Variants in RNF216 observed in about 807,000 individuals in gnomAD.
The protein encoded by RNF216 is E3 ubiquitin-protein ligase RNF216.
RNF216 carries 72 observed loss-of-function variants against 110.8 expected under a neutral mutation model. That is an observed-to-expected ratio of 0.65 (90% CI 0.54 to 0.79). The LOEUF (loss-of-function observed/expected upper bound fraction) is 0.79. Ranked by LOEUF, RNF216 falls within the 30% of genes least tolerant of loss-of-function variation. The pLI is 0.00. For missense variants in RNF216, 1,342 were observed against 1,141.2 expected (o/e 1.18, Z -2.54); for synonymous variants, 495 against 407.5 (o/e 1.21, Z -2.59).
chr7:5,677,102 T>A (rs1316093668), intron 13 of RNF216, among the ~76,000 whole-genome samples: 2 of 152,258 alleles, frequency 1.3e-5, no homozygotes, highest in Non-Finnish European at 2.9e-5. Flanking sequence ...TTTAGGGCAC[T>A]CTGACGTATG....
chr7:5,642,306 C>T (rs1471848954), intron 14 of RNF216, among the ~76,000 whole-genome samples: 1 of 151,656 alleles, frequency 6.6e-6, no homozygotes, highest in African/African-American at 2.4e-5. Flanking sequence ...TCCGCCTCCC[C>T]GGGTTCAAGA....
intron 3 of RNF216, among the ~76,000 whole-genome samples, chr7:5,749,332 G>A (rs764196801): frequency 6.6e-6 from 1 of 151,982 alleles, no homozygotes; most frequent in Non-Finnish European, 1.5e-5. Flanking sequence ...TGTATTTTTA[G>A]TAGAGACGAG....
chr7:5,707,262 C>T (rs1792354118), intron 13 of RNF216, among the ~76,000 whole-genome samples: 1 of 152,156 alleles, frequency 6.6e-6, no homozygotes, highest in South Asian at 2.1e-4. Context: ...GTTCCATATG[C>T]ATTTTAGGGA....
At chr7:5,720,474 G>C (rs1009558038) in intron 9 of RNF216, among the ~76,000 whole-genome samples, 2 of 152,184 alleles carry the variant, frequency 1.3e-5, no homozygotes, top group Admixed American at 6.5e-5. Context: ...AAGGCTTCCT[G>C]TCAACGGTAG....
At chr7:5,684,900 T>TG (rs1790880780) in intron 13 of RNF216, among the ~76,000 whole-genome samples, 2 of 72,574 alleles carry the variant, frequency 2.8e-5, no homozygotes, top group South Asian at 8.6e-4. Context: ...GAGTCCTGCA[T>TG]GGGGGGCTGG....
chr7:5,641,294 T>G lies in RNF216; in HGVS notation c.2242A>C (p.Met748Leu). The stretch of plus-strand genomic sequence containing the variant: ...ATCTGGGCACCACAGCGGCAAGACA[T>G]GCGGTTGCAGCCTTCAGATTTGATG... ...GLIKSEGCNRMSCRCGAQMCY... is the reference protein window; with the variant it reads ...GLIKSEGCNRLSCRCGAQMCY... The change falls in exon 15 of 17, where the codon ATG becomes CTG. Residue 748 changes from methionine to leucine, a missense_variant. Met to Leu is a conservative substitution (Grantham distance 15). Transcript: ENST00000389902. The G allele has an allele frequency of 3.2e-5, 51 of 1,614,170 alleles. No individual in the cohort carries two copies. Among genetic ancestry groups the G allele is most frequent in the Non-Finnish European group, 4.3e-5 (51 of 1,180,038 alleles).
intron 13 of RNF216, among the ~76,000 whole-genome samples, chr7:5,703,269 G>C (rs1193177123): frequency 2.0e-5 from 3 of 152,220 alleles, no homozygotes; most frequent in African/African-American, 7.2e-5. Flanking sequence ...CCTGATAGTA[G>C]GAACAAGTGG....
chr7:5,668,545 C>T (rs575304885), intron 13 of RNF216, among the ~76,000 whole-genome samples: 23 of 152,162 alleles, frequency 1.5e-4, no homozygotes, highest in Non-Finnish European at 2.2e-4. Context: ...TTTAATCTTT[C>T]CCTCCTTGCT....
At chr7:5,661,498 C>T (rs893872637) in intron 13 of RNF216, among the ~76,000 whole-genome samples, 1 of 152,130 alleles carries the variant, frequency 6.6e-6, no homozygotes, top group Non-Finnish European at 1.5e-5. Flanking sequence ...GAGAATTATT[C>T]CCATTTTTAA....
intron 13 of RNF216, among the ~76,000 whole-genome samples, chr7:5,669,234 C>T (rs149115129): frequency 4.3e-4 from 65 of 152,256 alleles, no homozygotes; most frequent in African/African-American, 1.5e-3. Flanking sequence ...TCTCTGATTC[C>T]GACACATAGT....
At chr7:5,722,536 G>T (rs1448411190) in intron 8 of RNF216, among the ~76,000 whole-genome samples, 1 of 151,396 alleles carries the variant, frequency 6.6e-6, no homozygotes, top group African/African-American at 2.4e-5. Flanking sequence ...GACTACAGGC[G>T]CCCGCCACCA....
intron 5 of RNF216, 94 bp downstream of exon 5, chr7:5,739,182 G>C (rs1794611380): frequency 7.4e-7 from 1 of 1,347,738 alleles, no homozygotes; most frequent in Non-Finnish European, 9.7e-7. Flanking sequence ...ACACCAAATT[G>C]TATATTTAAA....
intron 13 of RNF216, among the ~76,000 whole-genome samples, chr7:5,700,220 T>C (rs1273132202): frequency 6.6e-6 from 1 of 152,062 alleles, no homozygotes; most frequent in Admixed American, 6.6e-5. Context: ...GGGAACACTA[T>C]CACTTTCCAC....
chr7:5,745,815 T>C (rs1048153246), intron 3 of RNF216, among the ~76,000 whole-genome samples: 1 of 150,842 alleles, frequency 6.6e-6, no homozygotes, highest in Non-Finnish European at 1.5e-5. Flanking sequence ...GGCAGGATAA[T>C]TGCTTAAACT....
chr7:5,758,663 C>T (rs1795771053), intron 2 of RNF216, among the ~76,000 whole-genome samples: 1 of 152,134 alleles, frequency 6.6e-6, no homozygotes. Context: ...TTGTGTGGGA[C>T]CTCTTGCGTC....
At chr7:5,750,565 G>A (rs1297614835) in intron 3 of RNF216, among the ~76,000 whole-genome samples, 1 of 152,224 alleles carries the variant, frequency 6.6e-6, no homozygotes, top group Admixed American at 6.5e-5. Context: ...GCAGGAACCT[G>A]CTTAGTTCCT....
chr7:5,642,152 T>C (rs576987144), intron 14 of RNF216, among the ~76,000 whole-genome samples: 17 of 151,748 alleles, frequency 1.1e-4, no homozygotes, highest in Non-Finnish European at 2.4e-4. Context: ...CATCCGTTTA[T>C]GATTTTAGTT....
rs1407532847 is a variant in RNF216 at position 5,739,277 on chromosome 7, C to A, written c.1120G>T (p.Val374Leu). The A allele has an allele frequency of 1.3e-6, 2 of 1,585,920 alleles. No homozygotes were observed. The highest frequency in any genetic ancestry group is 1.2e-5 in the South Asian group (1 of 85,062). ...AAAAAAGCATGGTAGTATACTTACA[C>A]ATTCAGATCATAATAATTCTTAAAA... is the stretch of plus-strand genomic sequence containing the variant. ...IHFKNYYDLN[V>L]LCNFLLENPD... is the part of the protein sequence containing the mutation. The change falls in exon 5 of 17, where the codon GTA becomes TTA. Residue 374 changes from valine to leucine, a missense_variant and splice_region_variant. Physicochemically the swap from Val to Leu is conservative, Grantham distance 32 (BLOSUM62 1). Transcript: ENST00000389902.
chr7:5,653,332 T>C (rs559396446), intron 13 of RNF216, among the ~76,000 whole-genome samples: 1 of 152,198 alleles, frequency 6.6e-6, no homozygotes, highest in African/African-American at 2.4e-5. Context: ...GGCTCACACC[T>C]GTAATCCCAG....
Sources: allele counts gnomAD v4.1 joint callset (sites outside exome capture counted in the v4.1 genomes callset), GRCh38; gene constraint gnomAD v4.1.1; transcripts MANE v1.5; gene names NCBI Gene and HGNC (gene_info 2026-07-23, HGNC 2026-07-21).